Variants in VPS13B observed in about 807,000 individuals in gnomAD.
The protein encoded by VPS13B is intermembrane lipid transfer protein VPS13B.
A neutral mutation model predicts 426.4 loss-of-function variants in VPS13B; 285 were observed. The observed-to-expected ratio is 0.67, with a 90% CI of 0.61 to 0.74. The LOEUF is 0.74. VPS13B is among the 30% of genes least tolerant of loss of function. VPS13B has a pLI of 0.00. For missense variants in VPS13B, 4,537 were observed against 4,782.6 expected (o/e 0.95, Z 1.51); for synonymous variants, 1,676 against 1,676.4 (o/e 1.00, Z 0.01).
At chr8:99,368,607 C>G (rs1460510650) in intron 19 of VPS13B, among the ~76,000 whole-genome samples, 1 of 152,132 alleles carries the variant, frequency 6.6e-6, no homozygotes, top group East Asian at 1.9e-4. Context: ...TCTTTTCAGT[C>G]TGACTTTTAC....
At chr8:99,126,647 T>A (rs1286007384) in intron 8 of VPS13B, among the ~76,000 whole-genome samples, 1 of 152,202 alleles carries the variant, frequency 6.6e-6, no homozygotes, top group Non-Finnish European at 1.5e-5. Context: ...GATGTGGGAT[T>A]GATTTATGAG....
At chr8:99,471,838 A>T (rs1470555258) in intron 24 of VPS13B, among the ~76,000 whole-genome samples, 1 of 152,112 alleles carries the variant, frequency 6.6e-6, no homozygotes, top group Non-Finnish European at 1.5e-5. Context: ...TAGAGTATTT[A>T]CTCTCTGGCC....
At chr8:99,364,084 A>T (rs560728661) in intron 19 of VPS13B, among the ~76,000 whole-genome samples, 7 of 152,266 alleles carry the variant, frequency 4.6e-5, no homozygotes, top group Admixed American at 4.6e-4. Flanking sequence ...ATTCAGTATG[A>T]TACTAGCTGT....
At chr8:99,255,944 A>G (rs1371676184) in intron 17 of VPS13B, among the ~76,000 whole-genome samples, 2 of 152,136 alleles carry the variant, frequency 1.3e-5, no homozygotes, top group African/African-American at 4.8e-5. Flanking sequence ...GGTTCATGTT[A>G]GAGTATGCTG....
At chr8:99,828,334 T>C (rs1187549589) in intron 51 of VPS13B, among the ~76,000 whole-genome samples, 1 of 151,182 alleles carries the variant, frequency 6.6e-6, no homozygotes, top group East Asian at 1.9e-4. Context: ...CCCTTCTTTG[T>C]CTTTTTTGAT....
At chr8:99,564,112 A>G (rs1332212923) in intron 31 of VPS13B, among the ~76,000 whole-genome samples, 2 of 151,988 alleles carry the variant, frequency 1.3e-5, no homozygotes, top group Non-Finnish European at 2.9e-5. Context: ...GGGAGTGGGG[A>G]GTAGGGAAGT....
At position 99,258,723 on chromosome 8, in the gene VPS13B, A is replaced by G. The variant is rs1306335069; in HGVS notation, c.2516-15475A>G. On this transcript the variant is annotated intron_variant, in intron 17 of 61. Transcript: ENST00000357162. ...TACTACCTGAAAGACTGTTTATTTC[A>G]TATTCCATTTTGTCATATTTATGGT... Among the ~76,000 whole-genome samples the G allele has an allele frequency of 4.6e-5, 7 of 152,186 alleles. No individual in the cohort carries two copies. In the East Asian group the frequency reaches 7.7e-4, roughly 17 times the overall value.
chr8:99,861,328 G>T lies in VPS13B; in HGVS notation c.11045-448G>T, dbSNP rs533457410. 3.9e-5 allele frequency among the ~76,000 whole-genome samples: 6 copies of T among 152,214 alleles called. No individual in the cohort carries two copies. In the South Asian group the frequency reaches 1.2e-3, roughly 32 times the overall value. On this transcript the variant is annotated intron_variant, in intron 57 of 61. Coordinates refer to ENST00000357162, the MANE Select transcript of VPS13B (RefSeq NM_152564.5). ...TGTATCTTATCTTATTTGAGACAAG[G>T]TCTCACTCTGCCACTCAGGCTGGAG...
intron 25 of VPS13B, among the ~76,000 whole-genome samples, chr8:99,500,476 T>C (rs976436697): frequency 6.6e-6 from 1 of 152,156 alleles, no homozygotes; most frequent in South Asian, 2.1e-4. Flanking sequence ...TATTTAATCT[T>C]AACTGTATGA....
intron 8 of VPS13B, among the ~76,000 whole-genome samples, chr8:99,125,494 C>A (rs753406888): frequency 2.6e-5 from 4 of 152,178 alleles, no homozygotes; most frequent in Non-Finnish European, 5.9e-5. Flanking sequence ...CTCATAGACA[C>A]ACCCAAGAAC....
chr8:99,429,947 T>C (rs1816999560), intron 21 of VPS13B, among the ~76,000 whole-genome samples: 1 of 152,138 alleles, frequency 6.6e-6, no homozygotes, highest in Non-Finnish European at 1.5e-5. Flanking sequence ...CATGTCCTAC[T>C]TTTCTCACCC....
At chr8:99,168,262 A>G (rs1054143677) in intron 15 of VPS13B, among the ~76,000 whole-genome samples, 5 of 152,074 alleles carry the variant, frequency 3.3e-5, no homozygotes, top group Non-Finnish European at 7.4e-5. Flanking sequence ...AAAGACTTTT[A>G]AAAAAATGAC....
At chr8:99,499,577 ATTAGT>A (rs1279618291) in intron 25 of VPS13B, among the ~76,000 whole-genome samples, 3 of 152,166 alleles carry the variant, frequency 2.0e-5, no homozygotes, top group African/African-American at 7.2e-5. Flanking sequence ...CTTATCTGGA[ATTAGT>A]TTATGCTTTT....
chr8:99,235,788 C>T lies in VPS13B; in HGVS notation c.2516-38410C>T, dbSNP rs546088152. 2.6e-5 allele frequency among the ~76,000 whole-genome samples: 4 copies of T among 152,268 alleles called. No individual in the cohort carries two copies. The South Asian group carries it at 8.3e-4, about 32-fold the overall frequency. On this transcript the variant is annotated intron_variant, in intron 17 of 61. Coordinates refer to ENST00000357162, the MANE Select transcript of VPS13B (RefSeq NM_152564.5). ...TTTTCAGTGTTATTTCGTTTTCCCT[C>T]AGTTCTTTCATGAGATAGTTATTAG...
intron 15 of VPS13B, 146 bp downstream of exon 15, chr8:99,156,889 A>G: frequency 1.1e-5 from 7 of 665,348 alleles, no homozygotes; most frequent in African/African-American, 3.7e-5. Flanking sequence ...TATTTATTCC[A>G]ATAAATTAAA....
chr8:99,019,420 G>A (rs546447182), intron 2 of VPS13B, among the ~76,000 whole-genome samples: 7 of 152,136 alleles, frequency 4.6e-5, no homozygotes, highest in Admixed American at 1.3e-4. Flanking sequence ...TGTTGGCCAG[G>A]CTGATCTCAA....
Position 99,756,660 on chromosome 8 carries a change from C to T in VPS13B, c.7051-10114C>T, listed in dbSNP as rs142196357. The stretch of plus-strand genomic sequence containing the variant: ...ATTTCTCATCAAAAGCCATAGAGAC[C>T]AGAAGACAGTGAGATGACATATTCA... On this transcript the variant is annotated intron_variant, in intron 39 of 61. Coordinates refer to ENST00000357162, the MANE Select transcript of VPS13B (RefSeq NM_152564.5). Among the ~76,000 whole-genome samples the T allele has an allele frequency of 2.7e-4, 41 of 152,206 alleles. No homozygotes were observed. In the East Asian group the frequency reaches 7.9e-3, roughly 29 times the overall value.
In VPS13B at chr8:99,627,672, C is replaced by CATGCCTGA. The variant is rs1315082596; in HGVS notation, c.5221-14139_5221-14138insATGCCTGA. ...GTGCTGGGATTACAGGTGTGAGCCA[C>CATGCCTGA]CATGCCTGACCTAATTATGCCACAT... On this transcript the variant is annotated intron_variant, in intron 33 of 61. Coordinates refer to ENST00000357162, the MANE Select transcript of VPS13B (RefSeq NM_152564.5). 1.7e-4 allele frequency among the ~76,000 whole-genome samples: 26 copies of CATGCCTGA among 152,264 alleles called. No homozygotes were observed. The East Asian group carries it at 4.1e-3, about 24-fold the overall frequency.
At chr8:99,015,564 A>T (rs201347910) in intron 2 of VPS13B, among the ~76,000 whole-genome samples, 1 of 140,638 alleles carries the variant, frequency 7.1e-6, no homozygotes, top group African/African-American at 2.7e-5. Context: ...ACTGTCCAAT[A>T]AAAAAATGGA....
Sources: allele counts gnomAD v4.1 joint callset (sites outside exome capture counted in the v4.1 genomes callset), GRCh38; gene constraint gnomAD v4.1.1; transcripts MANE v1.5; gene names NCBI Gene and HGNC (gene_info 2026-07-23, HGNC 2026-07-21).